Variants in LUZP2 observed in about 807,000 individuals in gnomAD.
LUZP2 encodes leucine zipper protein 2.
A neutral mutation model predicts 51.6 loss-of-function variants in LUZP2; 52 were observed. That is an observed-to-expected ratio of 1.01 (90% CI 0.81 to 1.27). The LOEUF is 1.27. Among genes scored for constraint, LUZP2 ranks in the 50% most tolerant of loss-of-function variants. The pLI is 0.00. For missense variants in LUZP2, 436 were observed against 395.4 expected (o/e 1.10, Z -0.87); for synonymous variants, 154 against 137.3 (o/e 1.12, Z -0.85).
chr11:25,005,083 G>A lies in LUZP2; in HGVS notation c.765+21790G>A, dbSNP rs114740940. On this transcript the variant is annotated intron_variant, in intron 9 of 11. Coordinates refer to ENST00000336930, the MANE Select transcript of LUZP2 (RefSeq NM_001009909.4). ...CTTGATCTGCTTTAAGTCAGAGAGG[G>A]AGAAGGGACATGTACCCAGGTTGGA... Among the ~76,000 whole-genome samples the A allele has an allele frequency of 5.2e-3, 799 of 152,246 alleles. 9 individuals are homozygous for A. The highest frequency in any genetic ancestry group is 0.018 in the African/African-American group (755 of 41,540).
chr11:24,776,278 A>G (rs933394439), intron 5 of LUZP2, among the ~76,000 whole-genome samples: 3 of 152,194 alleles, frequency 2.0e-5, no homozygotes, highest in Non-Finnish European at 4.4e-5. Context: ...GCCTATGGAG[A>G]AAACCTTTTC....
intron 1 of LUZP2, among the ~76,000 whole-genome samples, chr11:24,515,818 C>T (rs1375409137): frequency 1.3e-5 from 2 of 152,164 alleles, no homozygotes; most frequent in Non-Finnish European, 2.9e-5. Flanking sequence ...GGTGGGTTTA[C>T]CTCTGTGGTA....
intron 1 of LUZP2, among the ~76,000 whole-genome samples, chr11:24,640,562 A>G (rs961009118): frequency 6.6e-6 from 1 of 151,944 alleles, no homozygotes; most frequent in Non-Finnish European, 1.5e-5. Context: ...TATACAAAAG[A>G]TAAAATACTT....
rs368979397 is a variant in LUZP2, at chr11:24,959,248, A to G, written c.523-17343A>G. Among the ~76,000 whole-genome samples, 15 of 151,816 alleles carry G rather than the reference A, an allele frequency of 9.9e-5. No individual in the cohort carries two copies. In the South Asian group the frequency reaches 1.9e-3, roughly 19 times the overall value. Reference sequence around the variant, plus strand: ...GACTTGGCGATGCGGGCTCTTTTTTAGTTCCATATGAACTTTAAAGTAGTT... The same window carrying G: ...GACTTGGCGATGCGGGCTCTTTTTTGGTTCCATATGAACTTTAAAGTAGTT... On this transcript the variant is annotated intron_variant, in intron 7 of 11. Transcript: ENST00000336930.
intron 1 of LUZP2, among the ~76,000 whole-genome samples, chr11:24,718,186 G>A (rs1001700688): frequency 1.3e-5 from 2 of 152,110 alleles, no homozygotes; most frequent in African/African-American, 2.4e-5. Context: ...AACAGCAAAT[G>A]TTTCTACACC....
chr11:24,692,225 T>C (rs1203337172), intron 1 of LUZP2, among the ~76,000 whole-genome samples: 1 of 151,946 alleles, frequency 6.6e-6, no homozygotes, highest in African/African-American at 2.4e-5. Context: ...AAGAAGTAAT[T>C]GTTGTTACAG....
At chr11:24,978,511 G>A (rs78518432) in intron 8 of LUZP2, among the ~76,000 whole-genome samples, 1,727 of 151,692 alleles carry the variant, frequency 0.011, 35 homozygotes, top group African/African-American at 0.038. Flanking sequence ...AATATTCTTC[G>A]TTATATTAAA....
intron 5 of LUZP2, among the ~76,000 whole-genome samples, chr11:24,860,806 G>A (rs541952802): frequency 1.2e-4 from 19 of 152,224 alleles, no homozygotes; most frequent in Admixed American, 4.6e-4. Context: ...CCAAGGGTCA[G>A]CAGCCTCAAA....
chr11:24,817,984 G>A (rs1334802830), intron 5 of LUZP2, among the ~76,000 whole-genome samples: 2 of 152,018 alleles, frequency 1.3e-5, no homozygotes, highest in Non-Finnish European at 2.9e-5. Flanking sequence ...TTATGAATTA[G>A]TTCTTTAGAA....
At chr11:24,998,079 C>G (rs1187914557) in intron 9 of LUZP2, among the ~76,000 whole-genome samples, 1 of 152,200 alleles carries the variant, frequency 6.6e-6, no homozygotes, top group Admixed American at 6.5e-5. Flanking sequence ...GTTCTTTTTG[C>G]TTAGGATTGA....
intron 6 of LUZP2, among the ~76,000 whole-genome samples, chr11:24,914,076 A>G (rs1385246554): frequency 6.6e-6 from 1 of 152,092 alleles, no homozygotes; most frequent in Non-Finnish European, 1.5e-5. Context: ...GTCAAATTCA[A>G]ATTTATTCTA....
intron 1 of LUZP2, among the ~76,000 whole-genome samples, chr11:24,648,979 T>C (rs1403336902): frequency 6.6e-6 from 1 of 152,022 alleles, no homozygotes; most frequent in Admixed American, 6.6e-5. Flanking sequence ...GGATTTCCTT[T>C]TTCCAATAAG....
chr11:24,607,896 T>C (rs967596375), intron 1 of LUZP2, among the ~76,000 whole-genome samples: 1 of 152,090 alleles, frequency 6.6e-6, no homozygotes, highest in Non-Finnish European at 1.5e-5. Flanking sequence ...TCACCCAGGC[T>C]GGAGTGCAGT....
chr11:24,846,854 TA>T (rs919230296), intron 5 of LUZP2, among the ~76,000 whole-genome samples: 2 of 151,918 alleles, frequency 1.3e-5, no homozygotes, highest in African/African-American at 4.8e-5. Flanking sequence ...TATATGTATT[TA>T]ATACACTCTC....
intron 9 of LUZP2, among the ~76,000 whole-genome samples, chr11:25,010,121 C>T (rs189257013): frequency 1.4e-3 from 219 of 152,280 alleles, no homozygotes; most frequent in Non-Finnish European, 2.1e-3. Context: ...AACTATCAGG[C>T]AGTCTAGCAT....
At chr11:24,682,594 G>GCA (rs780668636) in intron 1 of LUZP2, among the ~76,000 whole-genome samples, 26,223 of 144,640 alleles carry the variant, frequency 0.18, 2,486 homozygotes, top group East Asian at 0.32. Flanking sequence ...ATATGTGTGT[G>GCA]TGTGTATATA....
intron 5 of LUZP2, among the ~76,000 whole-genome samples, chr11:24,832,279 A>G (rs1266716514): frequency 2.7e-5 from 4 of 148,218 alleles, no homozygotes; most frequent in Non-Finnish European, 6.0e-5. Flanking sequence ...CTTGTTCTAT[A>G]TTTATTAAAT....
chr11:24,599,287 C>T (rs1853545324), intron 1 of LUZP2, among the ~76,000 whole-genome samples: 1 of 152,048 alleles, frequency 6.6e-6, no homozygotes, highest in Admixed American at 6.6e-5. Flanking sequence ...GTTATAGATC[C>T]TCAAGTGTGA....
Position 24,763,296 on chromosome 11 carries a change from C to A in LUZP2, c.384C>A (p.Asp128Glu). The change falls in exon 5 of 12, where the codon GAC becomes GAA. Residue 128 changes from aspartate to glutamate, a missense_variant. Asp to Glu is a conservative substitution (Grantham distance 45). Transcript: ENST00000336930. ...EVERKSKMIR[D>E]LQNENKSLKN... ...AAAGAAAGAGCAAAATGATCCGAGA[C>A]CTCCAGAATGAGGTAAGATATATTT... 1.5e-6 allele frequency: 2 copies of A among 1,378,298 alleles called. No homozygotes were observed. Among genetic ancestry groups the A allele is most frequent in the Non-Finnish European group, 9.6e-7 (1 of 1,040,828 alleles). The allele number at this position is 1,378,298 out of a possible 1,614,324, so 85.4% of individuals were successfully genotyped here. A position where few individuals can be genotyped will look rare whatever the true frequency, so the allele number is the denominator to read the frequency against.
Sources: gnomAD v4.1 joint callset for allele counts (sites outside exome capture counted in the v4.1 genomes callset) on GRCh38, gnomAD v4.1.1 for gene constraint, MANE v1.5 for transcripts, NCBI Gene and HGNC (gene_info 2026-07-23, HGNC 2026-07-21) for gene names.